The following TSPEAR variants were observed in gnomAD, a reference collection of about 807,000 sequenced individuals.
The protein encoded by TSPEAR is thrombospondin type laminin G domain and EAR repeats.
Under a neutral mutation model 71.6 loss-of-function variants are expected in TSPEAR, and 69 were observed. The ratio of observed to expected loss-of-function variants is 0.96; its 90% CI spans 0.79 to 1.18. The LOEUF (loss-of-function observed/expected upper bound fraction) is 1.18. TSPEAR is among the 50% of genes most tolerant of loss of function. The pLI is 0.00. For missense variants in TSPEAR, 971 were observed against 894.9 expected, an observed-to-expected ratio of 1.09 and a Z score of -1.09; for synonymous variants, 402 against 387.2, an observed-to-expected ratio of 1.04 and a Z score of -0.45.
Position 44,612,032 on chromosome 21 carries a change from T to C in TSPEAR, c.83-44027A>G, listed in dbSNP as rs2146174084. 6.6e-7 allele frequency: 1 copy of C among 1,511,540 alleles called. No homozygotes were observed. The highest frequency in any genetic ancestry group is 9.1e-7 in the Non-Finnish European group (1 of 1,104,720). 93.6% of individuals were successfully genotyped at this position (1,511,540 alleles called of 1,614,324 possible). On this transcript the variant is annotated intron_variant, in intron 1 of 11. Transcript: ENST00000323084. This position sits in a 1 kb window ranked among gnomAD's most constrained non-coding sequence, Gnocchi z 4.1. ...AAATACCCAGGGAGGGTATAAAACC[T>C]CAGCAGCCAGGGCACACAAACCCAC...
intron 1 of TSPEAR, among the ~76,000 whole-genome samples, chr21:44,661,833 G>T (rs377331983): frequency 3.9e-5 from 6 of 151,966 alleles, no homozygotes; most frequent in African/African-American, 7.3e-5. Context: ...ACTCACTGTC[G>T]CAAGGACAGC....
At chr21:44,702,892 C>A (rs1555951760) in intron 1 of TSPEAR, 7 of 658,154 alleles carry the variant, frequency 1.1e-5, no homozygotes, top group African/African-American at 1.8e-5. Context: ...ACACACCGCA[C>A]TGGTACACAC....
chr21:44,511,329 GCATACACA>G (rs2052369863), intron 9 of TSPEAR, among the ~76,000 whole-genome samples: 1 of 151,978 alleles, frequency 6.6e-6, no homozygotes, highest in African/African-American at 2.4e-5. Context: ...CTGCATGCAT[GCATACACA>G]CACAAACATG....
rs1982607682 is a variant in TSPEAR, at chr21:44,623,892, C to A, written c.83-55887G>T. On this transcript the variant is annotated intron_variant, in intron 1 of 11. Transcript: ENST00000323084. The surrounding 1 kb of genome is among the most constrained non-coding windows in gnomAD (Gnocchi z 4.5). ...CCCCAATATGCACAGGCATGGTTTC[C>A]TTTGTATTCACCTTGCTAAACATTC... Among the ~76,000 whole-genome samples, 1 of 152,100 alleles carries A rather than the reference C, an allele frequency of 6.6e-6. No individual in the cohort carries two copies. The highest frequency in any genetic ancestry group is 2.4e-5 in the African/African-American group (1 of 41,406).
chr21:44,646,146 A>AAAAAAAAAAAAAAG (rs1984337239), intron 1 of TSPEAR, among the ~76,000 whole-genome samples: 1 of 150,354 alleles, frequency 6.7e-6, no homozygotes, highest in African/African-American at 2.5e-5. Flanking sequence ...AAAAAAAAAA[A>AAAAAAAAAAAAAAG]AAAAAAAAGG....
At position 44,511,977 on chromosome 21, in the gene TSPEAR, G is replaced by A. The variant is rs587619309; in HGVS notation, c.1567-2591C>T. Among the ~76,000 whole-genome samples, 3 of 151,660 alleles carry A rather than the reference G, an allele frequency of 2.0e-5. No homozygotes were observed. In the East Asian group the frequency reaches 5.8e-4, roughly 29 times the overall value. On this transcript the variant is annotated intron_variant, in intron 9 of 11. Transcript: ENST00000323084. ...CTGGAACGGGCTGCTGCAGATGGGG[G>A]ACCATGGAGGGGCTGCCCGGGGCCT...
intron 1 of TSPEAR, among the ~76,000 whole-genome samples, chr21:44,629,764 G>A (rs1164885407): frequency 1.3e-5 from 2 of 152,224 alleles, no homozygotes; most frequent in Non-Finnish European, 2.9e-5. Context: ...ACGCTGTCCA[G>A]AGGCCTCAGA....
At chr21:44,666,335 G>A in intron 1 of TSPEAR, 1 of 1,247,222 alleles carries the variant, frequency 8.0e-7, no homozygotes, top group Admixed American at 2.3e-5. Flanking sequence ...GGGTTCAACT[G>A]AGCATGCTTT....
intron 1 of TSPEAR, chr21:44,666,460 A>G (rs2838622): frequency 0.47 from 751,975 of 1,584,454 alleles, 181,353 homozygotes; most frequent in African/African-American, 0.68. Context: ...CAGCAGGAAG[A>G]GATACTGTAG....
chr21:44,575,697 G>C (rs1453724844), intron 1 of TSPEAR, among the ~76,000 whole-genome samples: 1 of 152,228 alleles, frequency 6.6e-6, no homozygotes, highest in Non-Finnish European at 1.5e-5. Flanking sequence ...CTTGCCCAGA[G>C]TGTGTCCAAA....
chr21:44,567,762 G>T, intron 2 of TSPEAR, 23 bp downstream of exon 2: 1 of 1,530,424 alleles, frequency 6.5e-7, no homozygotes, highest in Non-Finnish European at 8.8e-7. Flanking sequence ...ATTATAACAC[G>T]AAGTGCAGAA....
Position 44,654,561 on chromosome 21 carries a change from C to T in TSPEAR, c.82+56872G>A, listed in dbSNP as rs587693161. 31 of 1,607,660 alleles carry T rather than the reference C, an allele frequency of 1.9e-5. No homozygotes were observed. The East Asian group carries it at 3.6e-4, about 19-fold the overall frequency. ...GGTAGCAGGTGCTGGGGACACAGCA[C>T]GGGGAGCCAGGGCAGGCCATTGGGC... On this transcript the variant is annotated intron_variant, in intron 1 of 11. Transcript: ENST00000323084.
In TSPEAR at chr21:44,499,844, T is replaced by C. The variant is rs782219546; in HGVS notation, c.1949A>G (p.Tyr650Cys). 1.9e-6 allele frequency: 3 copies of C among 1,597,272 alleles called. No individual in the cohort carries two copies. In the Admixed American group the frequency reaches 5.1e-5, roughly 27 times the overall value. Residue 650 changes from tyrosine to cysteine, a missense_variant, in exon 12 of 12, where the codon TAC (tyrosine) becomes TGC (cysteine). Coordinates refer to ENST00000323084, the MANE Select transcript of TSPEAR (RefSeq NM_144991.3). ...CTCCTTGGCGCTGGAGTAGATGAGG[T>C]AGGCACCAGCCGTGGTGCTGAAGGC... The part of the protein sequence containing the change: ...WEAFSTTAGA[Y>C]LIYSSAKEPL...
chr21:44,612,192 C>T lies in TSPEAR; in HGVS notation c.83-44187G>A. ...GACGTGGGCCATGTCAGCCGAGTCT[C>T]CTCCCCCAGCACCTGCACTGGCTCC... On this transcript the variant is annotated intron_variant, in intron 1 of 11. Transcript: ENST00000323084. This position sits in a 1 kb window ranked among gnomAD's most constrained non-coding sequence, Gnocchi z 4.1. 6.2e-7 allele frequency: 1 copy of T among 1,614,028 alleles called. No homozygotes were observed. The highest frequency in any genetic ancestry group is 8.5e-7 in the Non-Finnish European group (1 of 1,180,000).
intron 1 of TSPEAR, among the ~76,000 whole-genome samples, chr21:44,641,905 T>C (rs1173348069): frequency 2.0e-5 from 3 of 152,228 alleles, no homozygotes; most frequent in Non-Finnish European, 4.4e-5. Flanking sequence ...CAATGCTTTC[T>C]GAAATTTTTA....
intron 1 of TSPEAR, among the ~76,000 whole-genome samples, chr21:44,620,837 G>A (rs139195731): frequency 1.6e-3 from 239 of 152,230 alleles, no homozygotes; most frequent in African/African-American, 5.4e-3. Context: ...ATTGCATCTC[G>A]TTAAGTTTTG....
In TSPEAR at chr21:44,508,859, G is replaced by T. The variant is rs782357146; in HGVS notation, c.1754+340C>A. ...GCCTGCACCTCGCACCTGTCCCTCT[G>T]GGGCCTCGGCTATCCCTCCGCACGA... On this transcript the variant is annotated intron_variant, in intron 10 of 11. Coordinates refer to ENST00000323084, the MANE Select transcript of TSPEAR (RefSeq NM_144991.3). The T allele has an allele frequency of 2.1e-6, 3 of 1,415,280 alleles. No homozygotes were observed. In the Admixed American group the frequency reaches 5.6e-5, roughly 27 times the overall value. 87.7% of individuals were successfully genotyped at this position (1,415,280 alleles called of 1,614,324 possible).
At chr21:44,572,676 T>C (rs1216827434) in intron 1 of TSPEAR, among the ~76,000 whole-genome samples, 1 of 151,906 alleles carries the variant, frequency 6.6e-6, no homozygotes, top group Non-Finnish European at 1.5e-5. Context: ...TGGATTGAAT[T>C]GTGTCCCTCA....
intron 4 of TSPEAR, 24 bp from the exon 5 acceptor site, chr21:44,529,978 T>C (rs886409616): frequency 1.9e-6 from 3 of 1,555,830 alleles, no homozygotes; most frequent in Admixed American, 3.7e-5. Flanking sequence ...GACAGCTCCT[T>C]CAGGCCCGCG....
Sources: gnomAD v4.1 joint callset for allele counts (sites outside exome capture counted in the v4.1 genomes callset) on GRCh38, gnomAD v4.1.1 for gene constraint, Gnocchi (gnomAD v3.1) non-coding constraint, MANE v1.5 for transcripts, NCBI Gene and HGNC (gene_info 2026-07-23, HGNC 2026-07-21) for gene names.